The following CPM variants were observed in gnomAD, a reference collection of about 807,000 sequenced individuals.
The protein encoded by CPM is carboxypeptidase M, also known as renal carboxypeptidase.
CPM carries 35 observed loss-of-function variants against 46.4 expected under a neutral mutation model. That is an observed-to-expected ratio of 0.75 (90% CI 0.58 to 1.00). The LOEUF (loss-of-function observed/expected upper bound fraction) is 1.00, where lower values mean the gene tolerates loss of function less well. CPM is among the 50% of genes least tolerant of loss of function. The probability of loss-of-function intolerance (pLI) is 0.00; values close to 1 mark genes in which losing one functional copy is unlikely to be tolerated. For missense variants in CPM, 422 were observed against 530.4 expected (o/e 0.80, Z 2.01); for synonymous variants, 195 against 195.3 (o/e 1.00, Z 0.01).
At chr12:68,866,108 G>A (rs1183972039) in intron 7 of CPM, among the ~76,000 whole-genome samples, 1 of 152,180 alleles carries the variant, frequency 6.6e-6, no homozygotes, top group Non-Finnish European at 1.5e-5. Flanking sequence ...AGGTGAGAGG[G>A]GTTGAAGGTA....
chr12:68,886,350 G>A (rs1373823847), intron 2 of CPM, among the ~76,000 whole-genome samples: 1 of 151,754 alleles, frequency 6.6e-6, no homozygotes, highest in South Asian at 2.1e-4. Flanking sequence ...AAGTAACTCA[G>A]GGCCAGGCAC....
Position 68,866,954 on chromosome 12 carries a change from T to C in CPM, c.882A>G (p.Pro294=), listed in dbSNP as rs771929645. Residue 294 remains proline, a synonymous_variant, in exon 7 of 9, where the codon CCA becomes CCG. Coordinates refer to ENST00000551568, the MANE Select transcript of CPM (RefSeq NM_198320.5). ...AGGCTTTGTTATTATTCCAAAAGGA[T>C]GGAAGCTTCTCCTCACGAGGATATT... is the stretch of plus-strand genomic sequence containing the variant. ...CCKYPREEKL[P]SFWNNNKASL... The C allele has an allele frequency of 1.9e-6, 3 of 1,614,216 alleles. No individual in the cohort carries two copies. Among genetic ancestry groups the C allele is most frequent in the Admixed American group, 3.3e-5 (2 of 60,028 alleles).
chr12:68,891,503 A>ATTAT (rs1377817396), intron 2 of CPM, among the ~76,000 whole-genome samples: 2 of 152,252 alleles, frequency 1.3e-5, no homozygotes, highest in Admixed American at 6.5e-5. Flanking sequence ...ATATTCACTC[A>ATTAT]TTTAACCCTA....
At chr12:68,949,444 C>CGTG (rs1888901004) in intron 1 of CPM, among the ~76,000 whole-genome samples, 1 of 152,200 alleles carries the variant, frequency 6.6e-6, no homozygotes, top group African/African-American at 2.4e-5. Flanking sequence ...TGAGTGCCAA[C>CGTG]ATGACTGTGG....
chr12:68,962,454 A>G (rs1396519566), intron 1 of CPM, among the ~76,000 whole-genome samples: 1 of 152,152 alleles, frequency 6.6e-6, no homozygotes, highest in Non-Finnish European at 1.5e-5. Context: ...CATAGAAACT[A>G]GAATCCCTCT....
Position 68,931,744 on chromosome 12 carries a change from C to CAAAAA in CPM, c.160+929_160+933dup, listed in dbSNP as rs1230893187. Among the ~76,000 whole-genome samples, 90 of 35,880 alleles carry CAAAAA rather than the reference C, an allele frequency of 2.5e-3. 1 individual carries two copies. The highest frequency in any genetic ancestry group is 0.013 in the Middle Eastern group (1 of 78). The allele number at this position is 35,880 out of a possible 152,430, so 23.5% of individuals were successfully genotyped here. A position where few individuals can be genotyped will look rare whatever the true frequency, so the allele number is the denominator to read the frequency against. On this transcript the variant is annotated intron_variant, in intron 2 of 8. Transcript: ENST00000551568. ...CTGGGCAACAGAGCGAGACTCTGAC[C>CAAAAA]AAAAAAAAAAAAAAAAAAAAAAGAA...
chr12:68,880,035 C>A (rs879256377), intron 3 of CPM, among the ~76,000 whole-genome samples: 5 of 151,958 alleles, frequency 3.3e-5, no homozygotes, highest in Non-Finnish European at 7.4e-5. Flanking sequence ...CCCAGGCAAT[C>A]TGAATATCTG....
rs529328735 is a variant in CPM, at chr12:68,953,166, C to T, written c.-4+10003G>A. 1.9e-4 allele frequency among the ~76,000 whole-genome samples: 29 copies of T among 152,138 alleles called. No homozygotes were observed. In the South Asian group the frequency reaches 2.5e-3, roughly 13 times the overall value. On this transcript the variant is annotated intron_variant, in intron 1 of 8. Transcript: ENST00000546373. ...CATTGCTCCTACGGAATACTTGGCT[C>T]GATATTAGAAAGGAGCTCAAGGTAG...
At chr12:68,877,801 C>T (rs745320889) in intron 3 of CPM, among the ~76,000 whole-genome samples, 1 of 152,190 alleles carries the variant, frequency 6.6e-6, no homozygotes, top group Non-Finnish European at 1.5e-5. Flanking sequence ...GGAACCTCTA[C>T]TGCATGTTGA....
At chr12:68,909,411 T>C (rs541988515) in intron 2 of CPM, among the ~76,000 whole-genome samples, 1 of 152,192 alleles carries the variant, frequency 6.6e-6, no homozygotes, top group South Asian at 2.1e-4. Context: ...AAAAAATTAG[T>C]GTTGGTTAGG....
At chr12:68,921,547 A>C (rs1888043831) in intron 2 of CPM, among the ~76,000 whole-genome samples, 1 of 152,118 alleles carries the variant, frequency 6.6e-6, no homozygotes, top group Non-Finnish European at 1.5e-5. Flanking sequence ...GGCTGAAGGC[A>C]AGGGGTGGGG....
intron 2 of CPM, among the ~76,000 whole-genome samples, chr12:68,923,203 GTGTGTGTGTGTT>G (rs1187688527): frequency 4.1e-5 from 6 of 146,824 alleles, no homozygotes; most frequent in African/African-American, 1.6e-4. Flanking sequence ...GTGTGTGTGT[GTGTGTGTGTGTT>G]TTGAGTAATT....
intron 2 of CPM, among the ~76,000 whole-genome samples, chr12:68,916,433 T>C (rs1413654386): frequency 6.6e-6 from 1 of 152,252 alleles, no homozygotes; most frequent in African/African-American, 2.4e-5. Flanking sequence ...TCCATTCAAT[T>C]ACGGCATTCA....
rs879512042 is a variant in CPM, at chr12:68,853,395, A to ATGAG, written c.*3038_*3041dup. 1.2e-4 allele frequency: 18 copies of ATGAG among 152,314 alleles called. No individual in the cohort carries two copies. The highest frequency in any genetic ancestry group is 2.4e-4 in the Non-Finnish European group (16 of 68,028). 9.4% of individuals were successfully genotyped at this position (152,314 alleles called of 1,614,324 possible). On this transcript the variant is annotated 3_prime_UTR_variant, in exon 9 of 9. Coordinates refer to ENST00000551568, the MANE Select transcript of CPM (RefSeq NM_198320.5). ...AAATGATCAAGATATTCAGATTATT[A>ATGAG]TGAGTTTTTTTTGGTTATCATCTAT...
chr12:68,890,306 A>C (rs1413976676), intron 2 of CPM, among the ~76,000 whole-genome samples: 1 of 152,090 alleles, frequency 6.6e-6, no homozygotes, highest in African/African-American at 2.4e-5. Flanking sequence ...AAGAGGCTAA[A>C]TGATAGGATG....
intron 7 of CPM, among the ~76,000 whole-genome samples, chr12:68,861,855 GATA>G (rs1458552960): frequency 8.0e-6 from 1 of 125,044 alleles, no homozygotes; most frequent in African/African-American, 3.0e-5. Flanking sequence ...TAACATTGGA[GATA>G]ATGATGAAAT....
intron 2 of CPM, among the ~76,000 whole-genome samples, chr12:68,892,865 G>A (rs577437022): frequency 2.6e-5 from 4 of 151,988 alleles, no homozygotes; most frequent in South Asian, 2.1e-4. Context: ...AAAACAAACC[G>A]AAAAGAAAGT....
intron 1 of CPM, among the ~76,000 whole-genome samples, chr12:68,957,945 G>T (rs1186310782): frequency 7.1e-6 from 1 of 140,772 alleles, no homozygotes; most frequent in African/African-American, 2.6e-5. Context: ...TGTGGTGTTT[G>T]GTTTTCTGTC....
intron 2 of CPM, among the ~76,000 whole-genome samples, chr12:68,905,120 G>A (rs1380203277): frequency 6.6e-6 from 1 of 152,062 alleles, no homozygotes; most frequent in African/African-American, 2.4e-5. Flanking sequence ...ATGTTGGCCA[G>A]GCTGGTCTTG....
Sources: gnomAD v4.1 joint callset for allele counts (sites outside exome capture counted in the v4.1 genomes callset) on GRCh38, gnomAD v4.1.1 for gene constraint, MANE v1.5 for transcripts, NCBI Gene and HGNC (gene_info 2026-07-23, HGNC 2026-07-21) for gene names.